The following ALDOB variants were observed in gnomAD, a reference collection of about 807,000 sequenced individuals.
ALDOB encodes the protein aldolase, fructose-bisphosphate B, also known as fructose-bisphosphate aldolase B.
Under a neutral mutation model 41.0 loss-of-function variants are expected in ALDOB, and 39 were observed. The ratio of observed to expected loss-of-function variants is 0.95; its 90% CI spans 0.74 to 1.24. The LOEUF is 1.24. Ranked by LOEUF, ALDOB falls within the 50% of genes most tolerant of loss-of-function variation. The pLI, the probability that ALDOB is intolerant of heterozygous loss-of-function variation, is 0.00. For synonymous variants in ALDOB, 175 were observed against 168.8 expected, an observed-to-expected ratio of 1.04 and a Z score of -0.28; for missense variants, 530 against 457.3, an observed-to-expected ratio of 1.16 and a Z score of -1.45.
rs546363862 is a variant in ALDOB at position 101,420,560 on chromosome 9, G to T, written c.*1249C>A. On this transcript the variant is annotated 3_prime_UTR_variant, in exon 9 of 9. Transcript: ENST00000647789. ...TTTGTCTTTGTATTATTCAAGGTAAGAAATTTAGCATACTACCATCAATAT... is the reference window on the plus strand; with the variant it reads ...TTTGTCTTTGTATTATTCAAGGTAATAAATTTAGCATACTACCATCAATAT... 6.6e-6 allele frequency: 1 copy of T among 152,220 alleles called. No individual in the cohort carries two copies. The highest frequency in any genetic ancestry group is 3.4e-3 in the Middle Eastern group (1 of 294). 9.4% of individuals were successfully genotyped at this position (152,220 alleles called of 1,614,324 possible).
chr9:101,426,144 A>C (rs568141615), intron 6 of ALDOB, among the ~76,000 whole-genome samples: 1 of 152,326 alleles, frequency 6.6e-6, no homozygotes, highest in African/African-American at 2.4e-5. Flanking sequence ...ACAGTGTATG[A>C]ATAGAACCAC....
chr9:101,426,589 T>C lies in ALDOB; in HGVS notation c.590A>G (p.His197Arg), dbSNP rs368140282. Residue 197 changes from histidine (H) to arginine (R), a missense_variant, in exon 6 of 9, where the codon CAT becomes CGT. Physicochemically the swap from His to Arg is conservative, Grantham distance 29. Coordinates refer to ENST00000647789, the MANE Select transcript of ALDOB (RefSeq NM_000035.4). ...AACATACTGGCAGTGTTCCAGGTCA[T>C]GGTCTCCATCAGGAATTACCTCTGG... The part of the protein sequence containing the change: ...VEPEVIPDGD[H>R]DLEHCQYVTE... The C allele has an allele frequency of 5.1e-5, 82 of 1,613,192 alleles. No individual in the cohort carries two copies. The Admixed American group carries it at 7.0e-4, about 14-fold the overall frequency.
chr9:101,429,750 T>A lies in ALDOB; in HGVS notation c.324+5A>T. On this transcript the variant is annotated splice_donor_5th_base_variant and intron_variant, in intron 3 of 8. Transcript: ENST00000647789. Reference sequence around the variant, plus strand: ...CAGAAGTGAGGTGTGAATGGAGGTGTTCACCTTGATTCCCACCACGATCCC... The same window carrying A: ...CAGAAGTGAGGTGTGAATGGAGGTGATCACCTTGATTCCCACCACGATCCC... The A allele has an allele frequency of 6.2e-7, 1 of 1,613,668 alleles. No homozygotes were observed. Among genetic ancestry groups the A allele is most frequent in the South Asian group, 1.1e-5 (1 of 91,060 alleles).
At chr9:101,430,251 T>TG (rs35377946) in intron 2 of ALDOB, among the ~76,000 whole-genome samples, 1 of 152,104 alleles carries the variant, frequency 6.6e-6, no homozygotes, top group African/African-American at 2.4e-5. Context: ...GCCTCCCTGA[T>TG]CTGGTCCTCA....
chr9:101,427,373 A>T, intron 5 of ALDOB, 109 bp downstream of exon 5: 1 of 1,384,850 alleles, frequency 7.2e-7, no homozygotes, highest in Non-Finnish European at 1.0e-6. Context: ...ACTAGGATAT[A>T]CTGGTGAGGG....
chr9:101,434,791 C>T (rs1419741586), intron 1 of ALDOB, among the ~76,000 whole-genome samples: 1 of 152,176 alleles, frequency 6.6e-6, no homozygotes, highest in African/African-American at 2.4e-5. Context: ...TTCAACATTT[C>T]CCCATTCCCT....
intron 6 of ALDOB, among the ~76,000 whole-genome samples, 165 bp from the exon 7 acceptor site, chr9:101,425,792 A>T (rs1181041712): frequency 1.3e-5 from 2 of 152,172 alleles, no homozygotes; most frequent in African/African-American, 4.8e-5. Flanking sequence ...ATGTGTTGCA[A>T]TCCATAGCCA....
intron 8 of ALDOB, among the ~76,000 whole-genome samples, 194 bp downstream of exon 8, chr9:101,424,649 C>T (rs909081645): frequency 3.9e-5 from 6 of 152,180 alleles, no homozygotes; most frequent in African/African-American, 1.4e-4. Context: ...ATCAACTATA[C>T]TCTAGTGTGG....
At chr9:101,432,061 A>G (rs1831227630) in intron 1 of ALDOB, among the ~76,000 whole-genome samples, 1 of 152,196 alleles carries the variant, frequency 6.6e-6, no homozygotes, top group Non-Finnish European at 1.5e-5. Flanking sequence ...CAGAGTCCCT[A>G]TCCAGTCCTG....
intron 8 of ALDOB, among the ~76,000 whole-genome samples, chr9:101,423,980 C>A (rs1300022921): frequency 6.6e-6 from 1 of 152,162 alleles, no homozygotes; most frequent in Non-Finnish European, 1.5e-5. Flanking sequence ...TTCTGAAAAA[C>A]TTCTTGAGTG....
rs1462254557 is a variant in ALDOB at position 101,427,716 on chromosome 9, G to A, written c.380-74C>T. The A allele has an allele frequency of 1.9e-5, 30 of 1,567,216 alleles. No homozygotes were observed. In the East Asian group the frequency reaches 6.3e-4, roughly 33 times the overall value. On this transcript the variant is annotated intron_variant, in intron 4 of 8. Coordinates refer to ENST00000647789, the MANE Select transcript of ALDOB (RefSeq NM_000035.4). ...TCCATGGGGCTTCTAATAAAGGGAA[G>A]GAGTTCTCCCTTTGCTTAGCTTTCA...
chr9:101,424,789 G>C, intron 8 of ALDOB, 54 bp downstream of exon 8: 1 of 1,599,682 alleles, frequency 6.3e-7, no homozygotes, highest in Non-Finnish European at 8.6e-7. Flanking sequence ...GTGTTGGAAA[G>C]TCAAGCCCCA....
intron 2 of ALDOB, 129 bp from the exon 3 acceptor site, chr9:101,430,095 C>T: frequency 1.1e-6 from 1 of 879,662 alleles, no homozygotes; most frequent in East Asian, 2.6e-5. Context: ...AGTCAAAGCT[C>T]CTGCTTCAAT....
At chr9:101,434,745 C>G (rs1485643754) in intron 1 of ALDOB, among the ~76,000 whole-genome samples, 1 of 152,180 alleles carries the variant, frequency 6.6e-6, no homozygotes. Flanking sequence ...GCTCTTTCCT[C>G]TAAACTTGGA....
chr9:101,425,732 T>A (rs1273017099), intron 6 of ALDOB, 105 bp from the exon 7 acceptor site: 1 of 1,300,068 alleles, frequency 7.7e-7, no homozygotes, highest in Non-Finnish European at 1.1e-6. Flanking sequence ...GAATTCTTAT[T>A]TGTTGCTTGG....
intron 8 of ALDOB, among the ~76,000 whole-genome samples, chr9:101,423,773 G>C (rs956224686): frequency 9.2e-5 from 14 of 151,984 alleles, no homozygotes; most frequent in African/African-American, 3.4e-4. Flanking sequence ...TGTCTCCTCT[G>C]GCTCCTCTTT....
Position 101,428,533 on chromosome 9 carries a change from C to T in ALDOB, c.325-10G>A. On this transcript the variant is annotated splice_polypyrimidine_tract_variant and intron_variant, in intron 3 of 8. Transcript: ENST00000647789. ...CACCTCCTTGGTCTAACTGTGGATA[C>T]AAATAATTAACAGGTGTCAGATGTC... 1 of 1,611,270 alleles carries T rather than the reference C, an allele frequency of 6.2e-7. No homozygotes were observed. Among genetic ancestry groups the T allele is most frequent in the Non-Finnish European group, 8.5e-7 (1 of 1,177,402 alleles).
chr9:101,421,780 A>G lies in ALDOB; in HGVS notation c.*29T>C. 6.3e-7 allele frequency: 1 copy of G among 1,595,102 alleles called. No homozygotes were observed. Among genetic ancestry groups the G allele is most frequent in the Non-Finnish European group, 8.6e-7 (1 of 1,163,206 alleles). ...CCCTTTCAGCCCTCCTACTAGAAGC[A>G]CTGGAGCTAGGCTGGCGGGCATTGG... On this transcript the variant is annotated 3_prime_UTR_variant, in exon 9 of 9. Transcript: ENST00000647789.
At chr9:101,431,412 C>T (rs144470106) in intron 1 of ALDOB, among the ~76,000 whole-genome samples, 183 of 152,354 alleles carry the variant, frequency 1.2e-3, no homozygotes, top group African/African-American at 4.2e-3. Flanking sequence ...TTAAAGCTAA[C>T]TTCCATTTGG....
Sources: gnomAD v4.1 joint callset for allele counts (sites outside exome capture counted in the v4.1 genomes callset) on GRCh38, gnomAD v4.1.1 for gene constraint, MANE v1.5 for transcripts, NCBI Gene and HGNC (gene_info 2026-07-23, HGNC 2026-07-21) for gene names.